The following ITPK1 variants were observed in gnomAD, a reference collection of about 807,000 sequenced individuals.
ITPK1 encodes the protein inositol-tetrakisphosphate 1-kinase.
ITPK1 carries 21 observed loss-of-function variants against 45.3 expected under a neutral mutation model. The observed-to-expected ratio is 0.46, with a 90% confidence interval of 0.33 to 0.67. The LOEUF (loss-of-function observed/expected upper bound fraction) is 0.67. Among genes scored for constraint, ITPK1 ranks in the 30% least tolerant of loss-of-function variants. The probability of loss-of-function intolerance (pLI) is 0.02; values close to 1 mark genes in which losing one functional copy is unlikely to be tolerated. For missense variants in ITPK1, 474 were observed against 573.5 expected, an observed-to-expected ratio of 0.83 and a Z score of 1.77; for synonymous variants, 258 against 253.6, an observed-to-expected ratio of 1.02 and a Z score of -0.16.
rs142772385 is a variant in ITPK1, at chr14:92,945,702, G to A, written c.901+629C>T. On this transcript the variant is annotated intron_variant, in intron 10 of 10. Coordinates refer to ENST00000267615, the MANE Select transcript of ITPK1 (RefSeq NM_014216.6). ...CACACCATCGTTCCTCATGCCCTGTGCTGGGGCTCTGCTCCTGCGGTCCCC... is the reference window on the plus strand; with the variant it reads ...CACACCATCGTTCCTCATGCCCTGTACTGGGGCTCTGCTCCTGCGGTCCCC... Among the ~76,000 whole-genome samples the A allele has an allele frequency of 3.4e-3, 513 of 152,318 alleles. 4 individuals carry two copies. The highest frequency in any genetic ancestry group is 0.011 in the African/African-American group (467 of 41,578).
intron 3 of ITPK1, among the ~76,000 whole-genome samples, chr14:93,040,714 C>T (rs544218289): frequency 6.6e-6 from 1 of 152,174 alleles, no homozygotes; most frequent in Non-Finnish European, 1.5e-5. Flanking sequence ...ACTCCCTGAG[C>T]AGGAAGTAGC....
intron 5 of ITPK1, among the ~76,000 whole-genome samples, chr14:92,988,401 G>A (rs1886606864): frequency 3.3e-5 from 5 of 152,216 alleles, no homozygotes; most frequent in Admixed American, 3.3e-4. Flanking sequence ...GAGAGTGACT[G>A]GCCCAGCCCC....
rs1249754276 is a variant in ITPK1, at chr14:92,941,576, C to T, written c.1230G>A (p.Lys410=). The part of the protein sequence containing the change: ...QQHCVASLAT[K]ASSQ ...GGCTCCGTGGCTACTGGGAGGAGGC[C>T]TTGGTGGCCAGGGAGGCCACACAAT... The change falls in exon 11 of 11, where the codon AAG becomes AAA. Residue 410 remains lysine (K), a synonymous_variant. Transcript: ENST00000267615. The T allele has an allele frequency of 2.6e-6, 4 of 1,536,372 alleles. No homozygotes were observed. The highest frequency in any genetic ancestry group is 3.5e-6 in the Non-Finnish European group (4 of 1,144,094).
rs1207299273 is a variant in ITPK1, at chr14:93,115,315, G to A, written c.-142-10C>T. On this transcript the variant is annotated splice_polypyrimidine_tract_variant and intron_variant, in intron 1 of 10. Transcript: ENST00000267615. The stretch of plus-strand genomic sequence containing the variant: ...GCTGGGGCGCGCAGTCCTGCCGCGC[G>A]GAGCGGAGCGGGGCGGGGCGCGGCG... 3 of 344,852 alleles carry A rather than the reference G, an allele frequency of 8.7e-6. No homozygotes were observed. The highest frequency in any genetic ancestry group is 1.5e-5 in the Non-Finnish European group (3 of 194,110). 21.4% of individuals were successfully genotyped at this position (344,852 alleles called of 1,614,324 possible). A position where few individuals can be genotyped will look rare whatever the true frequency, so the allele number is the denominator to read the frequency against.
rs748817196 is a variant in ITPK1 at position 92,993,962 on chromosome 14, C to G, written c.282G>C (p.Leu94=). Residue 94 remains leucine (L), a synonymous_variant, in exon 5 of 11, where the codon CTG becomes CTC. Transcript: ENST00000267615. ...YIDAHPETIV[L]DPLPAIRTLL... The stretch of plus-strand genomic sequence containing the variant: ...GGGTTCTGATGGCAGGGAGCGGGTC[C>G]AGGACGATGGTCTCAGGGTGGGCAT... 1 of 1,613,960 alleles carries G rather than the reference C, an allele frequency of 6.2e-7. No individual in the cohort carries two copies. Among genetic ancestry groups the G allele is most frequent in the African/African-American group, 1.3e-5 (1 of 75,026 alleles).
rs1595086250 is a variant in ITPK1, at chr14:92,958,106, T to A, written c.670+95A>T. ...TCTCCATCCCACCAAGAACACAGGG[T>A]GGTTGGGGCAGTGCCGAAGGACAGA... is the stretch of plus-strand genomic sequence containing the variant. On this transcript the variant is annotated intron_variant, in intron 8 of 10. Coordinates refer to ENST00000267615, the MANE Select transcript of ITPK1 (RefSeq NM_014216.6). This position sits in a 1 kb window ranked among gnomAD's most constrained non-coding sequence, Gnocchi z 4.4. The A allele has an allele frequency of 8.6e-7, 1 of 1,157,876 alleles. No homozygotes were observed. The highest frequency in any genetic ancestry group is 1.5e-5 in the African/African-American group (1 of 65,578). The allele number at this position is 1,157,876 out of a possible 1,614,324, so 71.7% of individuals were successfully genotyped here. A position where few individuals can be genotyped will look rare whatever the true frequency, so the allele number is the denominator to read the frequency against.
At chr14:93,066,562 G>A (rs1388064593) in intron 3 of ITPK1, among the ~76,000 whole-genome samples, 2 of 151,894 alleles carry the variant, frequency 1.3e-5, no homozygotes, top group African/African-American at 4.8e-5. Context: ...CTGCCACCAC[G>A]CCCAGCTAAT....
intron 3 of ITPK1, among the ~76,000 whole-genome samples, chr14:93,075,136 G>C (rs1891165294): frequency 6.6e-6 from 1 of 151,924 alleles, no homozygotes; most frequent in Non-Finnish European, 1.5e-5. Context: ...AGATCAGCCT[G>C]AGGAACATGG....
In ITPK1 at chr14:93,063,773, G is replaced by A. The variant is rs1283409218; in HGVS notation, c.120+12822C>T. On this transcript the variant is annotated intron_variant, in intron 3 of 10. Transcript: ENST00000267615. This position sits in a 1 kb window ranked among gnomAD's most constrained non-coding sequence, Gnocchi z 4.3. Reference sequence around the variant, plus strand: ...GCTAGGCTGTGACAAGCCCACCTGTGTGAGCCTCAGTCCTCTCACCTGGCA... The same window carrying A: ...GCTAGGCTGTGACAAGCCCACCTGTATGAGCCTCAGTCCTCTCACCTGGCA... Among the ~76,000 whole-genome samples the A allele has an allele frequency of 1.3e-5, 2 of 152,190 alleles. No individual in the cohort carries two copies. Among genetic ancestry groups the A allele is most frequent in the African/African-American group, 4.8e-5 (2 of 41,440 alleles).
Position 93,012,495 on chromosome 14 carries a change from C to T in ITPK1, c.246+4181G>A, listed in dbSNP as rs963453431. On this transcript the variant is annotated intron_variant, in intron 4 of 10. Coordinates refer to ENST00000267615, the MANE Select transcript of ITPK1 (RefSeq NM_014216.6). The surrounding 1 kb of genome is among the most constrained non-coding windows in gnomAD (Gnocchi z 4.9). ...ACCGAGGCCCCATGGGTCAAGCTGGCAATCATGGCCTTCAGTGTCACAGCA... is the reference window on the plus strand; with the variant it reads ...ACCGAGGCCCCATGGGTCAAGCTGGTAATCATGGCCTTCAGTGTCACAGCA... Among the ~76,000 whole-genome samples the T allele has an allele frequency of 2.0e-5, 3 of 152,254 alleles. No homozygotes were observed. The highest frequency in any genetic ancestry group is 3.4e-3 in the Middle Eastern group (1 of 294).
In ITPK1 at chr14:92,940,043, C is replaced by T. The variant is rs1397884686; in HGVS notation, c.*1518G>A. ...TTGGGTCCTCAGTTTCCAAAAAAGC[C>T]GGGCAGTTCTGATGGCCTCTGCCCC... On this transcript the variant is annotated 3_prime_UTR_variant, in exon 11 of 11. Transcript: ENST00000267615. The T allele has an allele frequency of 7.1e-6, 7 of 985,702 alleles. No individual in the cohort carries two copies. The East Asian group carries it at 3.4e-4, about 48-fold the overall frequency. The allele number at this position is 985,702 out of a possible 1,614,324, so 61.1% of individuals were successfully genotyped here.
In ITPK1 at chr14:92,941,334, G is replaced by T. The variant is rs914013506; in HGVS notation, c.*227C>A. The T allele has an allele frequency of 2.1e-6, 3 of 1,412,034 alleles. No individual in the cohort carries two copies. In the African/African-American group the frequency reaches 4.4e-5, roughly 21 times the overall value. 87.5% of individuals were successfully genotyped at this position (1,412,034 alleles called of 1,614,324 possible). The stretch of plus-strand genomic sequence containing the variant: ...ACTCAGTTAGGAGGTCTGCACAGTA[G>T]AGAGCAGGCGGACGGCCCCACTCCC... On this transcript the variant is annotated 3_prime_UTR_variant, in exon 11 of 11. Transcript: ENST00000267615.
intron 3 of ITPK1, among the ~76,000 whole-genome samples, chr14:93,020,693 T>C (rs1888421565): frequency 6.6e-6 from 1 of 152,190 alleles, no homozygotes; most frequent in Non-Finnish European, 1.5e-5. Context: ...CCCCACGGTA[T>C]CATATAATCT....
intron 5 of ITPK1, among the ~76,000 whole-genome samples, chr14:92,991,216 C>T (rs1245336612): frequency 6.6e-6 from 1 of 152,106 alleles, no homozygotes; most frequent in Non-Finnish European, 1.5e-5. Context: ...GGGTGTGCTT[C>T]CCAGGAAGGC....
chr14:92,974,481 G>A (rs1378898133), intron 5 of ITPK1, among the ~76,000 whole-genome samples: 3 of 152,158 alleles, frequency 2.0e-5, no homozygotes, highest in South Asian at 4.1e-4. Flanking sequence ...CCTCAGCCTC[G>A]CAGCCCCTTG....
At chr14:93,027,425 A>G (rs117956030) in intron 3 of ITPK1, among the ~76,000 whole-genome samples, 2,895 of 152,122 alleles carry the variant, frequency 0.019, 73 homozygotes, top group Admixed American at 0.081. Context: ...GAACTATCTC[A>G]CTTAATCATC....
chr14:93,043,031 A>G (rs2139914480), intron 3 of ITPK1, among the ~76,000 whole-genome samples: 1 of 152,184 alleles, frequency 6.6e-6, no homozygotes, highest in East Asian at 1.9e-4. Flanking sequence ...AAAAGTTTCA[A>G]TCTTAACTCT....
chr14:93,047,853 G>A (rs1889848522), intron 3 of ITPK1, among the ~76,000 whole-genome samples: 1 of 152,226 alleles, frequency 6.6e-6, no homozygotes, highest in Admixed American at 6.5e-5. Flanking sequence ...TAAGCCAAGG[G>A]GATGAAGCTG....
chr14:93,035,453 G>A lies in ITPK1; in HGVS notation c.121-18652C>T, dbSNP rs189159236. Among the ~76,000 whole-genome samples, 239 of 152,342 alleles carry A rather than the reference G, an allele frequency of 1.6e-3. 1 individual carries two copies. The highest frequency in any genetic ancestry group is 2.4e-3 in the Non-Finnish European group (162 of 68,038). On this transcript the variant is annotated intron_variant, in intron 3 of 10. Coordinates refer to ENST00000267615, the MANE Select transcript of ITPK1 (RefSeq NM_014216.6). ...TGCCTCCCTCATCTCCCATGGGTGT[G>A]TATATCTGCACATGTACACCAGAGA... is the stretch of plus-strand genomic sequence containing the variant.
Sources: gnomAD v4.1 joint callset for allele counts (sites outside exome capture counted in the v4.1 genomes callset) on GRCh38, gnomAD v4.1.1 for gene constraint, Gnocchi (gnomAD v3.1) non-coding constraint, MANE v1.5 for transcripts, NCBI Gene and HGNC (gene_info 2026-07-23, HGNC 2026-07-21) for gene names.